The following FAM83B variants were observed in gnomAD, a reference collection of about 807,000 sequenced individuals.
The protein encoded by FAM83B is protein FAM83B.
A neutral mutation model predicts 38.8 loss-of-function variants in FAM83B; 26 were observed. The observed-to-expected ratio is 0.67, with a 90% CI of 0.49 to 0.93. The LOEUF is 0.93. Among genes scored for constraint, FAM83B ranks in the 40% least tolerant of loss-of-function variants. FAM83B has a pLI of 0.00. For missense variants in FAM83B, 1,237 were observed against 1,197.3 expected, an observed-to-expected ratio of 1.03 and a Z score of -0.49; for synonymous variants, 419 against 423.1, an observed-to-expected ratio of 0.99 and a Z score of 0.12.
intron 2 of FAM83B, among the ~76,000 whole-genome samples, chr6:54,887,275 A>T (rs771249410): frequency 6.6e-6 from 1 of 152,198 alleles, no homozygotes; most frequent in Non-Finnish European, 1.5e-5. Context: ...CCAAACACAG[A>T]TTAAAAATAC....
intron 2 of FAM83B, among the ~76,000 whole-genome samples, chr6:54,904,733 T>C (rs1772738291): frequency 6.6e-6 from 1 of 152,138 alleles, no homozygotes; most frequent in Admixed American, 6.5e-5. Context: ...AGCCAGAATG[T>C]GGTAAGAGCC....
In FAM83B at chr6:54,870,500, A is replaced by G. The variant is rs1484651164; in HGVS notation, c.254A>G (p.Asp85Gly). Residue 85 changes from aspartate (D) to glycine (G), a missense_variant, in exon 2 of 5, where the codon GAT becomes GGT. Physicochemically the swap from Asp to Gly is moderately conservative, Grantham distance 94 (BLOSUM62 -1). Transcript: ENST00000306858. ...CATGGTACTGATGATTCCTGTGATG[A>G]TACCTTATCTTCAGGGACCTACTGG... ...TAHGTDDSCD[D>G]TLSSGTYWPV... The G allele has an allele frequency of 3.7e-6, 6 of 1,613,974 alleles. No homozygotes were observed. The African/African-American group carries it at 8.0e-5, about 22-fold the overall frequency.
At chr6:54,848,881 AT>A (rs1771201146) in intron 1 of FAM83B, among the ~76,000 whole-genome samples, 2 of 152,174 alleles carry the variant, frequency 1.3e-5, no homozygotes, top group Non-Finnish European at 2.9e-5. Flanking sequence ...TATTGGTAAA[AT>A]TTCAAGTTGT....
rs569347325 is a variant in FAM83B, at chr6:54,927,556, G to A, written c.658G>A (p.Gly220Arg). 6.2e-7 allele frequency: 1 copy of A among 1,608,392 alleles called. No individual in the cohort carries two copies. The highest frequency in any genetic ancestry group is 8.5e-7 in the Non-Finnish European group (1 of 1,176,668). Residue 220 changes from glycine to arginine, a missense_variant, in exon 4 of 5, where the codon GGG becomes AGG. By Grantham distance (125) the Gly-to-Arg change is moderately radical. Coordinates refer to ENST00000306858, the MANE Select transcript of FAM83B (RefSeq NM_001010872.3). Reference sequence around the variant, plus strand: ...AGGCCAAGATTATCTTTCAAAAACAGGGGCAAAATTCCATGGAAAAATGGA... The same window carrying A: ...AGGCCAAGATTATCTTTCAAAAACAAGGGCAAAATTCCATGGAAAAATGGA... ...VKGQDYLSKT[G>R]AKFHGKMEQK...
intron 2 of FAM83B, among the ~76,000 whole-genome samples, chr6:54,897,343 T>G (rs1308869703): frequency 6.6e-6 from 1 of 152,168 alleles, no homozygotes; most frequent in Non-Finnish European, 1.5e-5. Flanking sequence ...AAGTCTTGAT[T>G]GCATTGTTAT....
At chr6:54,863,292 A>G (rs1771629174) in intron 1 of FAM83B, among the ~76,000 whole-genome samples, 1 of 152,200 alleles carries the variant, frequency 6.6e-6, no homozygotes, top group African/African-American at 2.4e-5. Flanking sequence ...ATGCAGCTTT[A>G]TTATTAAATA....
At chr6:54,854,206 G>A (rs1253343137) in intron 1 of FAM83B, among the ~76,000 whole-genome samples, 2 of 152,150 alleles carry the variant, frequency 1.3e-5, no homozygotes, top group African/African-American at 4.8e-5. Flanking sequence ...CTTGGTGAAG[G>A]TGCTATGAAC....
chr6:54,941,615 G>GGA lies in FAM83B; in HGVS notation c.2647_2648dup (p.Asp883GlufsTer77). ...TGAAAGCAAGTTCTTGGAAAGGGCA[G>GGA]GAGATGCCTCTGCCCCAAGATTTAA... On this transcript the variant is annotated frameshift_variant, in exon 5 of 5. Coordinates refer to ENST00000306858, the MANE Select transcript of FAM83B (RefSeq NM_001010872.3). LOFTEE classifies it high-confidence loss of function. 1 of 1,614,122 alleles carries GGA rather than the reference G, an allele frequency of 6.2e-7. No individual in the cohort carries two copies. Among genetic ancestry groups the GGA allele is most frequent in the Non-Finnish European group, 8.5e-7 (1 of 1,180,018 alleles).
At position 54,870,245 on chromosome 6, in the gene FAM83B, G is replaced by A. The variant is rs747048951; in HGVS notation, c.-2G>A. On this transcript the variant is annotated 5_prime_UTR_variant, in exon 2 of 5. Transcript: ENST00000306858. ...AAGTGCCATAGCCAAACACTTGCAAGCATGGAGACCTCATCAATGCTTTCC... is the reference window on the plus strand; with the variant it reads ...AAGTGCCATAGCCAAACACTTGCAAACATGGAGACCTCATCAATGCTTTCC... The A allele has an allele frequency of 2.2e-5, 36 of 1,607,690 alleles. No homozygotes were observed. Among genetic ancestry groups the A allele is most frequent in the African/African-American group, 5.4e-5 (4 of 74,724 alleles).
Position 54,941,385 on chromosome 6 carries a change from A to G in FAM83B, c.2414A>G (p.Asp805Gly), listed in dbSNP as rs1261529821. ...TTTTATAGATTGTGTAGTAGCTCTG[A>G]CACATTAGTTTCTGAGGGTGAAGAA... ...PAFYRLCSSS[D>G]TLVSEGEENQ... Residue 805 changes from aspartate to glycine, a missense_variant, in exon 5 of 5, where the codon GAC (aspartate) becomes GGC (glycine). Transcript: ENST00000306858. The G allele has an allele frequency of 6.2e-7, 1 of 1,613,326 alleles. No individual in the cohort carries two copies. The highest frequency in any genetic ancestry group is 2.2e-5 in the East Asian group (1 of 44,890).
chr6:54,889,413 A>T (rs1000075802), intron 2 of FAM83B, among the ~76,000 whole-genome samples: 2 of 152,104 alleles, frequency 1.3e-5, no homozygotes, highest in African/African-American at 4.8e-5. Context: ...TTTAAGCTAC[A>T]TACGATAAAT....
chr6:54,874,397 G>T (rs886794805), intron 2 of FAM83B, among the ~76,000 whole-genome samples: 1 of 151,718 alleles, frequency 6.6e-6, no homozygotes, highest in Non-Finnish European at 1.5e-5. Context: ...TTCTTTTTTT[G>T]AAACCCTTTC....
intron 1 of FAM83B, among the ~76,000 whole-genome samples, chr6:54,854,089 G>T (rs891281568): frequency 5.3e-5 from 8 of 152,224 alleles, no homozygotes; most frequent in South Asian, 2.1e-4. Context: ...AGAGGAGCCT[G>T]AAGATGTGGC....
At position 54,846,818 on chromosome 6, in the gene FAM83B, T is replaced by C. The variant is rs1771145590; in HGVS notation, c.-69T>C. The C allele has an allele frequency of 6.6e-6, 1 of 151,958 alleles. No homozygotes were observed. Among genetic ancestry groups the C allele is most frequent in the South Asian group, 2.1e-4 (1 of 4,834 alleles). 9.4% of individuals were successfully genotyped at this position (151,958 alleles called of 1,614,324 possible). ...TGCGGCGGGCGCGGTTGCGCGCGGC[T>C]TGGGGCAAGTAAGTGGGGTTTGGGC... On this transcript the variant is annotated 5_prime_UTR_variant, in exon 1 of 5. Coordinates refer to ENST00000306858, the MANE Select transcript of FAM83B (RefSeq NM_001010872.3).
At chr6:54,912,252 T>C (rs748143164) in intron 2 of FAM83B, among the ~76,000 whole-genome samples, 1 of 151,930 alleles carries the variant, frequency 6.6e-6, no homozygotes, top group Non-Finnish European at 1.5e-5. Context: ...GTAAATGTGG[T>C]TGTTTTAGCT....
intron 1 of FAM83B, among the ~76,000 whole-genome samples, chr6:54,864,798 C>T (rs1771663070): frequency 6.6e-6 from 1 of 152,092 alleles, no homozygotes; most frequent in Non-Finnish European, 1.5e-5. Context: ...AAGAGATGTT[C>T]TGAAACAATC....
chr6:54,883,177 T>C (rs1772175925), intron 2 of FAM83B, among the ~76,000 whole-genome samples: 1 of 152,036 alleles, frequency 6.6e-6, no homozygotes, highest in Non-Finnish European at 1.5e-5. Context: ...TCTCCTGACC[T>C]TGTGATCCGC....
rs986728821 is a variant in FAM83B, at chr6:54,903,822, G to T, written c.445-22549G>T. ...GGTTTTTTTAATTACTTTTTTCTCTGACATTTTCTGTACAGTCTTACATTT... is the reference window on the plus strand; with the variant it reads ...GGTTTTTTTAATTACTTTTTTCTCTTACATTTTCTGTACAGTCTTACATTT... On this transcript the variant is annotated intron_variant, in intron 2 of 4. Transcript: ENST00000306858. Among the ~76,000 whole-genome samples the T allele has an allele frequency of 2.7e-5, 4 of 150,170 alleles. No homozygotes were observed. In the East Asian group the frequency reaches 7.8e-4, roughly 29 times the overall value.
chr6:54,931,212 G>A (rs1473233842), intron 4 of FAM83B, among the ~76,000 whole-genome samples: 1 of 152,110 alleles, frequency 6.6e-6, no homozygotes, highest in Non-Finnish European at 1.5e-5. Context: ...TTTGCCTAAC[G>A]TGATCTGTCT....
Sources: gnomAD v4.1 joint callset for allele counts (sites outside exome capture counted in the v4.1 genomes callset) on GRCh38, gnomAD v4.1.1 for gene constraint, MANE v1.5 for transcripts, NCBI Gene and HGNC (gene_info 2026-07-23, HGNC 2026-07-21) for gene names.